NCKAP1: variants seen among roughly 807,000 people sequenced by gnomAD.
NCKAP1 encodes the protein nck-associated protein 1.
Under a neutral mutation model 151.2 loss-of-function variants are expected in NCKAP1, and 21 were observed. The ratio of observed to expected loss-of-function variants is 0.14; its 90% CI spans 0.10 to 0.20. The LOEUF is 0.20. NCKAP1 is among the 10% of genes least tolerant of loss of function. The pLI is 1.00. For synonymous variants in NCKAP1, 484 were observed against 451.8 expected, an observed-to-expected ratio of 1.07 and a Z score of -0.90; for missense variants, 933 against 1,352.1, an observed-to-expected ratio of 0.69 and a Z score of 4.86.
chr2:183,020,223 G>A lies in NCKAP1; in HGVS notation c.219+3583C>T, dbSNP rs550838209. 6.8e-3 allele frequency among the ~76,000 whole-genome samples: 1,027 copies of A among 152,120 alleles called. 13 individuals are homozygous for A. Among genetic ancestry groups the A allele is most frequent in the African/African-American group, 0.024 (984 of 41,474 alleles). The stretch of plus-strand genomic sequence containing the variant: ...CAAGCCTGTAATCCCAGCACTTTGG[G>A]AGGCCAATCTGGGAGGATCACTTGA... On this transcript the variant is annotated intron_variant, in intron 2 of 30. Transcript: ENST00000361354.
rs376084124 is a variant in NCKAP1 at position 183,002,475 on chromosome 2, T to C, written c.370-206A>G. On this transcript the variant is annotated intron_variant, in intron 4 of 30. Transcript: ENST00000361354. ...TTTGTGTCTGACACAATTTTATGGA[T>C]GAAAGAAAAAGAGCTTGTGATCACT... 1.1e-4 allele frequency among the ~76,000 whole-genome samples: 17 copies of C among 152,158 alleles called. No individual in the cohort carries two copies. The South Asian group carries it at 3.3e-3, about 30-fold the overall frequency.
At chr2:182,951,647 AAAAAAC>A (rs1575025599) in intron 23 of NCKAP1, among the ~76,000 whole-genome samples, 3 of 150,992 alleles carry the variant, frequency 2.0e-5, no homozygotes, top group Admixed American at 2.0e-4. Flanking sequence ...AAAAAAAAAA[AAAAAAC>A]AAACAAACAA....
chr2:182,911,833 CT>C lies in NCKAP1; in HGVS notation c.*13868del, dbSNP rs1279534526. On this transcript the variant is annotated 3_prime_UTR_variant, in exon 31 of 31. Coordinates refer to ENST00000361354, the MANE Select transcript of NCKAP1 (RefSeq NM_013436.5). ...CCTCAACAAATTCAAGATGGTTATA[CT>C]TTTTAAAAAAGTTTTTCATGATTTT... 3.3e-5 allele frequency: 5 copies of C among 150,844 alleles called. No individual in the cohort carries two copies. In the Admixed American group the frequency reaches 3.3e-4, roughly 10 times the overall value. The allele number at this position is 150,844 out of a possible 1,614,324, so 9.3% of individuals were successfully genotyped here.
intron 6 of NCKAP1, among the ~76,000 whole-genome samples, chr2:182,998,311 T>C (rs1033740110): frequency 2.6e-5 from 4 of 152,078 alleles, no homozygotes; most frequent in African/African-American, 9.7e-5. Flanking sequence ...CTACCACTTC[T>C]ATTCAACATA....
intron 6 of NCKAP1, among the ~76,000 whole-genome samples, chr2:182,996,786 C>A (rs1344155827): frequency 6.6e-6 from 1 of 152,102 alleles, no homozygotes; most frequent in Non-Finnish European, 1.5e-5. Context: ...TGACTGCACA[C>A]AGAATGCCAG....
chr2:183,015,728 C>T (rs1395891430), intron 2 of NCKAP1, among the ~76,000 whole-genome samples: 1 of 151,176 alleles, frequency 6.6e-6, no homozygotes, highest in Non-Finnish European at 1.5e-5. Flanking sequence ...AGCACTTAGG[C>T]CTTTATTAAT....
At chr2:183,029,632 G>A (rs1249857707) in intron 1 of NCKAP1, among the ~76,000 whole-genome samples, 2 of 151,848 alleles carry the variant, frequency 1.3e-5, no homozygotes, top group East Asian at 1.9e-4. Context: ...GACCACCTTG[G>A]GCAAGAGGGA....
At position 182,952,808 on chromosome 2, in the gene NCKAP1, ATTCCTC is replaced by A. The variant is rs1199349691; in HGVS notation, c.2482_2487del (p.Glu828_Glu829del). On this transcript the variant is annotated inframe_deletion, in exon 22 of 31. Transcript: ENST00000361354. ...TACTATTCACCTGATATGTCAGAAT[ATTCCTC>A]TGCATTGAATGTTAATTCATTTTCT... The A allele has an allele frequency of 6.2e-7, 1 of 1,607,106 alleles. No individual in the cohort carries two copies. The highest frequency in any genetic ancestry group is 1.3e-5 in the African/African-American group (1 of 74,708).
chr2:183,019,100 C>T (rs1269866883), intron 2 of NCKAP1, among the ~76,000 whole-genome samples: 2 of 152,144 alleles, frequency 1.3e-5, no homozygotes, highest in Non-Finnish European at 2.9e-5. Flanking sequence ...AGTCTAGAAT[C>T]CCTATATCAC....
Position 182,909,538 on chromosome 2 carries a change from C to A in NCKAP1, c.*16164G>T, listed in dbSNP as rs575566788. 4 of 152,200 alleles carry A rather than the reference C, an allele frequency of 2.6e-5. No homozygotes were observed. The South Asian group carries it at 6.2e-4, about 24-fold the overall frequency. The allele number at this position is 152,200 out of a possible 1,614,324, so 9.4% of individuals were successfully genotyped here. A position where few individuals can be genotyped will look rare whatever the true frequency, so the allele number is the denominator to read the frequency against. Reference sequence around the variant, plus strand: ...TGTCTCATGTGTCAAAATTTCTTTCCTTTTTAAGGCTGAATAATATGCCAC... The same window carrying A: ...TGTCTCATGTGTCAAAATTTCTTTCATTTTTAAGGCTGAATAATATGCCAC... On this transcript the variant is annotated 3_prime_UTR_variant, in exon 31 of 31. Coordinates refer to ENST00000361354, the MANE Select transcript of NCKAP1 (RefSeq NM_013436.5).
intron 2 of NCKAP1, among the ~76,000 whole-genome samples, chr2:183,021,447 A>G (rs992795395): frequency 2.0e-5 from 3 of 152,092 alleles, no homozygotes; most frequent in Non-Finnish European, 4.4e-5. Context: ...AAAAAATTAA[A>G]AAAAATTTTT....
chr2:182,973,866 G>T (rs1388312194), intron 15 of NCKAP1, among the ~76,000 whole-genome samples: 1 of 151,972 alleles, frequency 6.6e-6, no homozygotes, highest in Non-Finnish European at 1.5e-5. Context: ...ATTTTAACTT[G>T]AAAAATGCTT....
chr2:183,013,073 T>C (rs1274190523), intron 2 of NCKAP1, among the ~76,000 whole-genome samples: 1 of 152,172 alleles, frequency 6.6e-6, no homozygotes, highest in Non-Finnish European at 1.5e-5. Context: ...GATTTCATGA[T>C]CATTGACCAC....
Position 182,956,488 on chromosome 2 carries a change from A to G in NCKAP1, c.2127T>C (p.Thr709=). The G allele has an allele frequency of 6.2e-7, 1 of 1,611,616 alleles. No individual in the cohort carries two copies. The highest frequency in any genetic ancestry group is 8.5e-7 in the Non-Finnish European group (1 of 1,179,022). Residue 709 remains threonine (T), a synonymous_variant, in exon 20 of 31, where the codon ACT becomes ACC. Coordinates refer to ENST00000361354, the MANE Select transcript of NCKAP1 (RefSeq NM_013436.5). ...TGGTAAAGCGTATTTCCAGATGAGA[A>G]GTCAAATATTCTCGTGGGGTAAAGG... ...EHTFTPREYL[T]SHLEIRFTKS...
chr2:182,966,182 A>ACT (rs1697565753), intron 16 of NCKAP1, among the ~76,000 whole-genome samples: 1 of 152,186 alleles, frequency 6.6e-6, no homozygotes, highest in Non-Finnish European at 1.5e-5. Context: ...AGGTTATTCC[A>ACT]GTCCTCTTCC....
chr2:183,005,428 C>T (rs1293041895), intron 2 of NCKAP1, among the ~76,000 whole-genome samples: 2 of 152,046 alleles, frequency 1.3e-5, no homozygotes, highest in Admixed American at 1.3e-4. Context: ...AACCTAAGAC[C>T]TACAGACCTT....
rs1281064733 is a variant in NCKAP1, at chr2:182,910,894, A to G, written c.*14808T>C. 6.6e-6 allele frequency: 1 copy of G among 150,764 alleles called. No homozygotes were observed. The highest frequency in any genetic ancestry group is 2.4e-5 in the African/African-American group (1 of 41,148). 9.3% of individuals were successfully genotyped at this position (150,764 alleles called of 1,614,324 possible). A position where few individuals can be genotyped will look rare whatever the true frequency, so the allele number is the denominator to read the frequency against. ...TTTACAGATTAAAGACTCAACCTGT[A>G]TTCATGCTCTGATGGTCCAACATTA... is the stretch of plus-strand genomic sequence containing the variant. On this transcript the variant is annotated 3_prime_UTR_variant, in exon 31 of 31. Transcript: ENST00000361354.
intron 6 of NCKAP1, among the ~76,000 whole-genome samples, chr2:183,001,681 C>T (rs1468961687): frequency 6.6e-6 from 1 of 152,102 alleles, no homozygotes; most frequent in Non-Finnish European, 1.5e-5. Context: ...AACAGACCCT[C>T]TCAAATACCA....
chr2:183,033,879 A>T (rs1699052459), intron 1 of NCKAP1, among the ~76,000 whole-genome samples: 2 of 152,218 alleles, frequency 1.3e-5, no homozygotes, highest in South Asian at 4.1e-4. Context: ...TCACTCATTT[A>T]TGTTATGTTT....
Sources: allele counts gnomAD v4.1 joint callset (sites outside exome capture counted in the v4.1 genomes callset), GRCh38; gene constraint gnomAD v4.1.1; transcripts MANE v1.5; gene names NCBI Gene and HGNC (gene_info 2026-07-23, HGNC 2026-07-21).